Variants in ZNF385D observed in about 807,000 individuals in gnomAD.
The protein encoded by ZNF385D is zinc finger protein 659.
ZNF385D carries 15 observed loss-of-function variants against 35.8 expected under a neutral mutation model. The observed-to-expected ratio is 0.42, with a 90% CI of 0.28 to 0.64. The LOEUF is 0.64. ZNF385D is among the 30% of genes least tolerant of loss of function. ZNF385D has a pLI of 0.23. For synonymous variants in ZNF385D, 212 were observed against 186.8 expected, an observed-to-expected ratio of 1.13 and a Z score of -1.10; for missense variants, 474 against 494.6, an observed-to-expected ratio of 0.96 and a Z score of 0.39.
intron 2 of ZNF385D, among the ~76,000 whole-genome samples, chr3:21,625,126 G>C (rs1041824878): frequency 1.3e-5 from 2 of 151,990 alleles, no homozygotes; most frequent in Non-Finnish European, 2.9e-5. Context: ...AAAATAATTT[G>C]ATAGCAGACC....
intron 1 of ZNF385D, among the ~76,000 whole-genome samples, chr3:21,706,878 A>T (rs1484980640): frequency 2.0e-5 from 3 of 152,150 alleles, no homozygotes; most frequent in Admixed American, 6.6e-5. Flanking sequence ...GATAAATTCT[A>T]ATCACAGAGA....
At chr3:21,853,868 TG>T (rs1696558338) in intron 3 of ZNF385D, among the ~76,000 whole-genome samples, 1 of 151,842 alleles carries the variant, frequency 6.6e-6, no homozygotes, top group Non-Finnish European at 1.5e-5. Context: ...TATAATTCCA[TG>T]TATATGAAGT....
chr3:21,621,554 C>CGTGTGTGGGTGT (rs2065006562), intron 2 of ZNF385D, among the ~76,000 whole-genome samples: 1 of 136,904 alleles, frequency 7.3e-6, no homozygotes. Flanking sequence ...AAAAAATTCC[C>CGTGTGTGGGTGT]GTGTGTGTGT....
In ZNF385D at chr3:22,146,826, T is replaced by C. The variant is rs531287283; in HGVS notation, c.325+21991A>G. Reference sequence around the variant, plus strand: ...ATAATACACTTTGATGATACTCTTATGAAAATAAGGGAATCTGTAAGCCAA... The same window carrying C: ...ATAATACACTTTGATGATACTCTTACGAAAATAAGGGAATCTGTAAGCCAA... On this transcript the variant is annotated intron_variant, in intron 3 of 5. Transcript: ENST00000494108. 5.9e-5 allele frequency among the ~76,000 whole-genome samples: 9 copies of C among 152,316 alleles called. No individual in the cohort carries two copies. The South Asian group carries it at 1.5e-3, about 25-fold the overall frequency.
At chr3:22,199,922 T>G (rs1169508503) in intron 2 of ZNF385D, among the ~76,000 whole-genome samples, 1 of 152,140 alleles carries the variant, frequency 6.6e-6, no homozygotes, top group Non-Finnish European at 1.5e-5. Context: ...TTTAATATTA[T>G]GAATGCTTAT....
intron 3 of ZNF385D, among the ~76,000 whole-genome samples, chr3:21,787,992 A>C (rs1027555877): frequency 6.8e-6 from 1 of 147,266 alleles, no homozygotes; most frequent in African/African-American, 2.5e-5. Flanking sequence ...AGAGAGAGAG[A>C]GAGCAATAGT....
chr3:22,252,567 T>G (rs916380031), intron 2 of ZNF385D, among the ~76,000 whole-genome samples: 1 of 152,004 alleles, frequency 6.6e-6, no homozygotes, highest in East Asian at 1.9e-4. Flanking sequence ...TTAATGATTA[T>G]TGGGTGCTGT....
chr3:21,557,492 C>G (rs1230734714), intron 3 of ZNF385D, among the ~76,000 whole-genome samples: 2 of 152,138 alleles, frequency 1.3e-5, no homozygotes, highest in Non-Finnish European at 2.9e-5. Context: ...GTTGAACCAG[C>G]CTTGCATCCC....
At chr3:22,344,913 A>C (rs1695588873) in intron 2 of ZNF385D, among the ~76,000 whole-genome samples, 1 of 152,204 alleles carries the variant, frequency 6.6e-6, no homozygotes, top group South Asian at 2.1e-4. Context: ...AAGATTTTGA[A>C]GAATGTAGTT....
intron 1 of ZNF385D, among the ~76,000 whole-genome samples, chr3:21,672,555 A>G (rs2066608431): frequency 6.6e-6 from 1 of 152,094 alleles, no homozygotes; most frequent in East Asian, 1.9e-4. Context: ...CCATTCTGGA[A>G]ATACTGATTC....
intron 3 of ZNF385D, among the ~76,000 whole-genome samples, chr3:21,521,542 C>A (rs1315051022): frequency 6.6e-6 from 1 of 152,100 alleles, no homozygotes; most frequent in African/African-American, 2.4e-5. Flanking sequence ...CACTTGAAGC[C>A]AGGATTTTGA....
At chr3:22,159,265 C>A (rs974900032) in intron 3 of ZNF385D, among the ~76,000 whole-genome samples, 1 of 152,026 alleles carries the variant, frequency 6.6e-6, no homozygotes, top group Admixed American at 6.6e-5. Flanking sequence ...ATGAAAATCT[C>A]CTCTATCTCA....
At chr3:22,125,265 C>G (rs895193364) in intron 3 of ZNF385D, among the ~76,000 whole-genome samples, 3 of 151,976 alleles carry the variant, frequency 2.0e-5, no homozygotes, top group Admixed American at 1.3e-4. Flanking sequence ...TTCTCTTTCA[C>G]TAGTGTATGC....
chr3:22,018,519 T>C (rs901219336), intron 3 of ZNF385D, among the ~76,000 whole-genome samples: 70 of 152,042 alleles, frequency 4.6e-4, no homozygotes, highest in Admixed American at 2.0e-3. Flanking sequence ...TACAAATAAC[T>C]TTTTGTTAGT....
At chr3:21,897,375 T>A (rs1699190837) in intron 3 of ZNF385D, among the ~76,000 whole-genome samples, 1 of 152,162 alleles carries the variant, frequency 6.6e-6, no homozygotes, top group African/African-American at 2.4e-5. Context: ...GGAGATCCAA[T>A]GTGCTTCTTC....
chr3:21,802,298 A>G lies in ZNF385D; in HGVS notation c.326-137270T>C, dbSNP rs368951672. Among the ~76,000 whole-genome samples the G allele has an allele frequency of 3.3e-5, 5 of 152,304 alleles. No individual in the cohort carries two copies. The East Asian group carries it at 9.7e-4, about 29-fold the overall frequency. On this transcript the variant is annotated intron_variant, in intron 3 of 5. Transcript: ENST00000494108. ...AGTAAAGCTTACAGCTTTAATCATG[A>G]TCATGGGGTAATTTCTTTGATAAAT...
At chr3:22,110,884 G>T (rs1702485060) in intron 3 of ZNF385D, among the ~76,000 whole-genome samples, 1 of 152,006 alleles carries the variant, frequency 6.6e-6, no homozygotes, top group Admixed American at 6.6e-5. Context: ...AGGCTGTCAA[G>T]AGAGGTATAA....
At chr3:21,809,117 T>G (rs1452951340) in intron 3 of ZNF385D, among the ~76,000 whole-genome samples, 1 of 152,060 alleles carries the variant, frequency 6.6e-6, no homozygotes, top group Admixed American at 6.5e-5. Context: ...GAAAAGATTC[T>G]CAAAAACACA....
chr3:21,644,635 T>A (rs1269036014), intron 2 of ZNF385D, among the ~76,000 whole-genome samples: 1 of 152,212 alleles, frequency 6.6e-6, no homozygotes, highest in African/African-American at 2.4e-5. Flanking sequence ...TTTGAGTACC[T>A]GCTGTATATT....
Sources: allele counts gnomAD v4.1 joint callset (sites outside exome capture counted in the v4.1 genomes callset), GRCh38; gene constraint gnomAD v4.1.1; transcripts MANE v1.5; gene names NCBI Gene and HGNC (gene_info 2026-07-23, HGNC 2026-07-21).